PTPRN2: variants seen among roughly 807,000 people sequenced by gnomAD.
The protein encoded by PTPRN2 is receptor-type tyrosine-protein phosphatase N2.
PTPRN2 carries 74 observed loss-of-function variants against 118.8 expected under a neutral mutation model. The ratio of observed to expected loss-of-function variants is 0.62; its 90% CI spans 0.52 to 0.76. The LOEUF (loss-of-function observed/expected upper bound fraction) is 0.76. Among genes scored for constraint, PTPRN2 ranks in the 30% least tolerant of loss-of-function variants. PTPRN2 has a pLI of 0.00. For missense variants in PTPRN2, 1,481 were observed against 1,394.4 expected, an observed-to-expected ratio of 1.06 and a Z score of -0.99; for synonymous variants, 641 against 608.0, an observed-to-expected ratio of 1.05 and a Z score of -0.80.
rs73528052 is a variant in PTPRN2 at position 158,311,704 on chromosome 7, G to A, written c.277+5115C>T. Among the ~76,000 whole-genome samples, 1,162 of 152,378 alleles carry A rather than the reference G, an allele frequency of 7.6e-3. 17 individuals carry two copies. Among genetic ancestry groups the A allele is most frequent in the African/African-American group, 0.027 (1,106 of 41,590 alleles). On this transcript the variant is annotated intron_variant, in intron 3 of 22. Transcript: ENST00000389418. ...CAACTGCACCTGCAAGAAGTGGCCT[G>A]GATGAAGACGACAGGCAGAAGCACA...
chr7:158,501,039 T>G (rs1211571847), intron 1 of PTPRN2, among the ~76,000 whole-genome samples: 2 of 152,270 alleles, frequency 1.3e-5, no homozygotes, highest in African/African-American at 4.8e-5. Context: ...TCCAAATGTG[T>G]GAGGCTCGGA....
intron 2 of PTPRN2, among the ~76,000 whole-genome samples, chr7:158,420,273 G>A (rs780107481): frequency 1.8e-4 from 28 of 152,164 alleles, no homozygotes; most frequent in Non-Finnish European, 2.8e-4. Context: ...CCCGCGAAAA[G>A]GCCCCTCAGT....
Position 158,188,185 on chromosome 7 carries a change from G to A in PTPRN2, c.549+4142C>T, listed in dbSNP as rs187182940. On this transcript the variant is annotated intron_variant, in intron 5 of 22. Transcript: ENST00000389418. ...CTGGGAAGGCCGCCACGCTCGCCCC[G>A]CGATGGGGAAGGCCGCCACGCTCGC... Among the ~76,000 whole-genome samples, 17 of 47,984 alleles carry A rather than the reference G, an allele frequency of 3.5e-4. No individual in the cohort carries two copies. In the East Asian group the frequency reaches 7.2e-3, roughly 20 times the overall value. 31.5% of individuals were successfully genotyped at this position (47,984 alleles called of 152,430 possible). A position where few individuals can be genotyped will look rare whatever the true frequency, so the allele number is the denominator to read the frequency against.
chr7:157,597,449 A>G (rs1168286330), intron 16 of PTPRN2, among the ~76,000 whole-genome samples: 1 of 151,284 alleles, frequency 6.6e-6, no homozygotes, highest in Admixed American at 6.6e-5. Context: ...CATGAAAAGG[A>G]AAGCCCCGCC....
At chr7:158,164,069 T>G (rs534500748) in intron 6 of PTPRN2, among the ~76,000 whole-genome samples, 1 of 152,232 alleles carries the variant, frequency 6.6e-6, no homozygotes, top group Non-Finnish European at 1.5e-5. Context: ...AAGCACATTG[T>G]GTAACTCGTA....
chr7:158,470,597 C>T (rs969172013), intron 2 of PTPRN2, among the ~76,000 whole-genome samples: 1 of 152,204 alleles, frequency 6.6e-6, no homozygotes, highest in Non-Finnish European at 1.5e-5. Context: ...TCACCCCGAC[C>T]GGCTGCTCAG....
At chr7:158,242,126 G>A (rs150840536) in intron 3 of PTPRN2, among the ~76,000 whole-genome samples, 1 of 152,106 alleles carries the variant, frequency 6.6e-6, no homozygotes, top group African/African-American at 2.4e-5. Context: ...CAGCCCAAGA[G>A]CCCAGCCTGT....
At chr7:158,572,763 G>A (rs1828116314) in intron 1 of PTPRN2, among the ~76,000 whole-genome samples, 1 of 152,212 alleles carries the variant, frequency 6.6e-6, no homozygotes, top group African/African-American at 2.4e-5. Flanking sequence ...AGCACTCAGA[G>A]ATCTTTGCCA....
At chr7:158,131,023 TACAC>T (rs535903013) in intron 9 of PTPRN2, among the ~76,000 whole-genome samples, 1 of 147,096 alleles carries the variant, frequency 6.8e-6, no homozygotes, top group Admixed American at 6.9e-5. Flanking sequence ...CATACTCATA[TACAC>T]ACACTTATAC....
intron 12 of PTPRN2, among the ~76,000 whole-genome samples, chr7:157,703,937 C>T (rs12672702): frequency 0.19 from 28,601 of 152,152 alleles, 3,098 homozygotes; most frequent in Non-Finnish European, 0.25. Context: ...GCGTGATCAC[C>T]GTGGGGCTCA....
At position 158,326,963 on chromosome 7, in the gene PTPRN2, GCA is replaced by G. The variant is rs1156289645; in HGVS notation, c.164-10033_164-10032del. Among the ~76,000 whole-genome samples, 11 of 139,486 alleles carry G rather than the reference GCA, an allele frequency of 7.9e-5. No individual in the cohort carries two copies. In the South Asian group the frequency reaches 1.2e-3, roughly 15 times the overall value. The allele number at this position is 139,486 out of a possible 152,430, so 91.5% of individuals were successfully genotyped here. On this transcript the variant is annotated intron_variant, in intron 2 of 22. Coordinates refer to ENST00000389418, the MANE Select transcript of PTPRN2 (RefSeq NM_002847.5). Reference sequence around the variant, plus strand: ...TACACATTTTCACACATGCACACACGCACACATTCACATGCACATACACATTC... The same window carrying G: ...TACACATTTTCACACATGCACACACGCACATTCACATGCACATACACATTC...
At chr7:157,581,449 G>A (rs1022971643) in intron 17 of PTPRN2, among the ~76,000 whole-genome samples, 3 of 152,198 alleles carry the variant, frequency 2.0e-5, no homozygotes, top group African/African-American at 4.8e-5. Context: ...GAATGGAAGT[G>A]GTCAGCCCAG....
chr7:158,038,705 TTTATA>T (rs1808245659), intron 11 of PTPRN2, among the ~76,000 whole-genome samples: 1 of 148,764 alleles, frequency 6.7e-6, no homozygotes, highest in African/African-American at 2.4e-5. Context: ...AACATGTATA[TTTATA>T]TTATATAATA....
intron 1 of PTPRN2, among the ~76,000 whole-genome samples, chr7:158,513,170 T>G (rs1443018612): frequency 6.6e-6 from 1 of 152,186 alleles, no homozygotes; most frequent in African/African-American, 2.4e-5. Context: ...TGGCGCACAC[T>G]GAGTGTGTGG....
At chr7:158,375,499 A>G (rs1414803078) in intron 2 of PTPRN2, among the ~76,000 whole-genome samples, 1 of 152,242 alleles carries the variant, frequency 6.6e-6, no homozygotes, top group Non-Finnish European at 1.5e-5. Flanking sequence ...CATTGCAACT[A>G]CAGTTTTCCC....
chr7:157,605,147 G>A (rs1159038058), intron 15 of PTPRN2, among the ~76,000 whole-genome samples: 2 of 152,276 alleles, frequency 1.3e-5, no homozygotes, highest in Non-Finnish European at 2.9e-5. Flanking sequence ...TGCCTGCCAA[G>A]GGCGAGTCAG....
chr7:157,873,983 A>G (rs986841764), intron 12 of PTPRN2, among the ~76,000 whole-genome samples: 28 of 152,296 alleles, frequency 1.8e-4, no homozygotes, highest in Non-Finnish European at 2.4e-4. Context: ...CAACTCCGGC[A>G]AAGTCCCAGG....
chr7:157,741,658 T>G (rs1463254996), intron 12 of PTPRN2, among the ~76,000 whole-genome samples: 2 of 152,092 alleles, frequency 1.3e-5, no homozygotes, highest in Non-Finnish European at 2.9e-5. Context: ...GGAGGTCAGT[T>G]TTACTGGTTG....
chr7:158,048,653 C>T (rs1056839687), intron 11 of PTPRN2, among the ~76,000 whole-genome samples: 1 of 33,710 alleles, frequency 3.0e-5, no homozygotes, highest in Non-Finnish European at 6.7e-5. Flanking sequence ...ATCATCATAT[C>T]ACCATCACCA....
Sources: allele counts gnomAD v4.1 joint callset (sites outside exome capture counted in the v4.1 genomes callset), GRCh38; gene constraint gnomAD v4.1.1; transcripts MANE v1.5; gene names NCBI Gene and HGNC (gene_info 2026-07-23, HGNC 2026-07-21).